Variants in ANKS1B observed in about 807,000 individuals in gnomAD.
The protein encoded by ANKS1B is ankyrin repeat and sterile alpha motif domain-containing protein 1B.
ANKS1B carries 36 observed loss-of-function variants against 148.3 expected under a neutral mutation model. The observed-to-expected ratio is 0.24, with a 90% CI of 0.19 to 0.32. The LOEUF (loss-of-function observed/expected upper bound fraction) is 0.32, where lower values mean the gene tolerates loss of function less well. ANKS1B is among the 10% of genes least tolerant of loss of function. The pLI, the probability that ANKS1B is intolerant of heterozygous loss-of-function variation, is 1.00. For synonymous variants in ANKS1B, 542 were observed against 560.8 expected, an observed-to-expected ratio of 0.97 and a Z score of 0.47; for missense variants, 1,157 against 1,542.6, an observed-to-expected ratio of 0.75 and a Z score of 4.19.
intron 1 of ANKS1B, among the ~76,000 whole-genome samples, chr12:99,980,543 T>C (rs1195737362): frequency 6.6e-6 from 1 of 152,066 alleles, no homozygotes; most frequent in Non-Finnish European, 1.5e-5. Flanking sequence ...CATAATGTTC[T>C]ACTCTGGTCA....
intron 17 of ANKS1B, among the ~76,000 whole-genome samples, chr12:98,955,438 T>C (rs2099860590): frequency 6.6e-6 from 1 of 152,032 alleles, no homozygotes; most frequent in African/African-American, 2.4e-5. Context: ...TGAGGTCAGA[T>C]ATTACATCTC....
chr12:98,934,670 G>T (rs1157718634), intron 17 of ANKS1B, among the ~76,000 whole-genome samples: 2 of 151,744 alleles, frequency 1.3e-5, no homozygotes, highest in Admixed American at 6.6e-5. Flanking sequence ...TTTTCAGTCT[G>T]CTTTCAACTT....
At chr12:99,002,986 A>G (rs914797984) in intron 17 of ANKS1B, among the ~76,000 whole-genome samples, 3 of 152,148 alleles carry the variant, frequency 2.0e-5, no homozygotes, top group African/African-American at 4.8e-5. Flanking sequence ...TTAAGTTTTT[A>G]ATCTACTTGG....
chr12:99,534,206 A>G (rs969883563), intron 9 of ANKS1B, among the ~76,000 whole-genome samples: 1 of 152,264 alleles, frequency 6.6e-6, no homozygotes, highest in South Asian at 2.1e-4. Flanking sequence ...TGGTATCTCC[A>G]GTCTCAGTCT....
chr12:99,189,940 C>A (rs1254221002), intron 14 of ANKS1B, among the ~76,000 whole-genome samples: 2 of 152,022 alleles, frequency 1.3e-5, no homozygotes, highest in Non-Finnish European at 2.9e-5. Flanking sequence ...TTTAGAAAAC[C>A]CCATCGTCTC....
chr12:98,956,750 T>C (rs2099862850), intron 17 of ANKS1B, among the ~76,000 whole-genome samples: 1 of 152,196 alleles, frequency 6.6e-6, no homozygotes, highest in Admixed American at 6.5e-5. Flanking sequence ...ACAGTCGTCA[T>C]ACAGTAAGCT....
At chr12:98,997,267 C>T (rs73384653) in intron 17 of ANKS1B, among the ~76,000 whole-genome samples, 2,032 of 152,138 alleles carry the variant, frequency 0.013, 44 homozygotes, top group African/African-American at 0.047. Flanking sequence ...AGGTAGAAGG[C>T]AGTAGGAACA....
chr12:99,933,169 T>C (rs187840542), intron 1 of ANKS1B, among the ~76,000 whole-genome samples: 7 of 152,302 alleles, frequency 4.6e-5, no homozygotes, highest in African/African-American at 1.4e-4. Context: ...TATAGCTCTG[T>C]AGTATAATTT....
intron 17 of ANKS1B, among the ~76,000 whole-genome samples, chr12:98,844,746 T>C (rs1340434532): frequency 1.3e-5 from 2 of 152,224 alleles, no homozygotes; most frequent in Admixed American, 6.5e-5. Flanking sequence ...GGACCACTGA[T>C]TGAATGCCAC....
chr12:99,701,291 T>C (rs1388866972), intron 8 of ANKS1B, among the ~76,000 whole-genome samples: 1 of 152,146 alleles, frequency 6.6e-6, no homozygotes, highest in East Asian at 1.9e-4. Context: ...GTATTATCTC[T>C]TGGAATCCAG....
intron 14 of ANKS1B, among the ~76,000 whole-genome samples, chr12:99,241,823 A>C (rs1015859324): frequency 1.3e-5 from 2 of 152,228 alleles, no homozygotes. Context: ...GTAGATGCAG[A>C]AAAGGCCTTT....
intron 16 of ANKS1B, among the ~76,000 whole-genome samples, chr12:99,054,496 G>A (rs750831856): frequency 1.5e-4 from 23 of 151,760 alleles, no homozygotes; most frequent in South Asian, 2.1e-4. Flanking sequence ...CAGTTGTTCC[G>A]CTCCCCATTC....
chr12:99,461,365 A>G (rs1413771918), intron 10 of ANKS1B, among the ~76,000 whole-genome samples: 1 of 152,170 alleles, frequency 6.6e-6, no homozygotes, highest in Non-Finnish European at 1.5e-5. Flanking sequence ...AATCTCAGAA[A>G]TCACCACTAA....
chr12:99,062,613 C>A (rs757183564), intron 16 of ANKS1B, among the ~76,000 whole-genome samples: 2 of 151,990 alleles, frequency 1.3e-5, no homozygotes, highest in Non-Finnish European at 2.9e-5. Flanking sequence ...ACAAATAGGT[C>A]ATCGGAAATA....
At chr12:99,950,158 T>A (rs925842006) in intron 1 of ANKS1B, among the ~76,000 whole-genome samples, 4 of 145,374 alleles carry the variant, frequency 2.8e-5, no homozygotes, top group African/African-American at 1.0e-4. Flanking sequence ...ACGAGCTCTG[T>A]CTGTGTTGCC....
At chr12:99,099,493 C>T (rs1236148592) in intron 15 of ANKS1B, among the ~76,000 whole-genome samples, 4 of 152,198 alleles carry the variant, frequency 2.6e-5, no homozygotes, top group African/African-American at 9.7e-5. Context: ...GTCCAGGGTG[C>T]TTGCATGGGG....
Position 99,590,254 on chromosome 12 carries a change from C to CCA in ANKS1B, c.1272+64811_1272+64812dup, listed in dbSNP as rs1555503058. ...TTAAAACATTCACTCACACCCACAC[C>CCA]CACCCACACACACACACACACACAC... On this transcript the variant is annotated intron_variant, in intron 9 of 26. Coordinates refer to ENST00000683438, the MANE Select transcript of ANKS1B (RefSeq NM_001352186.2). Among the ~76,000 whole-genome samples the CCA allele has an allele frequency of 7.7e-3, 1,006 of 130,312 alleles. 10 individuals carry two copies. Among genetic ancestry groups the CCA allele is most frequent in the South Asian group, 0.019 (78 of 4,164 alleles). The allele number at this position is 130,312 out of a possible 152,430, so 85.5% of individuals were successfully genotyped here. A position where few individuals can be genotyped will look rare whatever the true frequency, so the allele number is the denominator to read the frequency against.
chr12:98,789,930 A>G (rs1220366962), intron 22 of ANKS1B, among the ~76,000 whole-genome samples: 1 of 152,212 alleles, frequency 6.6e-6, no homozygotes, highest in Admixed American at 6.5e-5. Flanking sequence ...CTACAAATGC[A>G]TAAATAATTG....
At chr12:99,688,773 C>A (rs2098663495) in intron 8 of ANKS1B, among the ~76,000 whole-genome samples, 1 of 151,782 alleles carries the variant, frequency 6.6e-6, no homozygotes, top group Non-Finnish European at 1.5e-5. Flanking sequence ...CCCAGGAGTC[C>A]AAGGCTGCAG....
Sources: allele counts gnomAD v4.1 joint callset (sites outside exome capture counted in the v4.1 genomes callset), GRCh38; gene constraint gnomAD v4.1.1; transcripts MANE v1.5; gene names NCBI Gene and HGNC (gene_info 2026-07-23, HGNC 2026-07-21).